Variants in PPIP5K1 observed in about 807,000 individuals in gnomAD.
PPIP5K1 encodes inositol hexakisphosphate and diphosphoinositol-pentakisphosphate kinase 1.
PPIP5K1 carries 6 observed loss-of-function variants against 27.7 expected under a neutral mutation model. That is an observed-to-expected ratio of 0.22 (90% CI 0.12 to 0.43). The LOEUF is 0.43. Ranked by LOEUF, PPIP5K1 falls within the 20% of genes least tolerant of loss-of-function variation. The pLI is 1.00. For synonymous variants in PPIP5K1, 145 were observed against 242.6 expected, an observed-to-expected ratio of 0.60 and a Z score of 3.74; for missense variants, 394 against 635.4, an observed-to-expected ratio of 0.62 and a Z score of 4.08.
intron 31 of PPIP5K1, among the ~76,000 whole-genome samples, chr15:43,538,688 T>C (rs1321680339): frequency 6.6e-6 from 1 of 152,106 alleles, no homozygotes; most frequent in Non-Finnish European, 1.5e-5. Flanking sequence ...ATTTTTTGTA[T>C]TTTTAGTAGA....
At chr15:43,549,663 T>A (rs2081948416) in intron 30 of PPIP5K1, among the ~76,000 whole-genome samples, 2 of 150,480 alleles carry the variant, frequency 1.3e-5, no homozygotes, top group South Asian at 4.2e-4. Flanking sequence ...AAAAAAAAAA[T>A]CTTTATACAA....
At chr15:43,558,973 C>T (rs1567072830) in intron 29 of PPIP5K1, 41 bp from the exon 30 acceptor site, 1 of 1,608,912 alleles carries the variant, frequency 6.2e-7, no homozygotes, top group South Asian at 1.1e-5. Context: ...TTACTCCTGC[C>T]AGATATACCC....
intron 30 of PPIP5K1, among the ~76,000 whole-genome samples, chr15:43,557,860 G>A (rs2083205154): frequency 6.8e-6 from 1 of 146,008 alleles, no homozygotes; most frequent in Non-Finnish European, 1.5e-5. Context: ...TGGAGAGATG[G>A]GGGTCTCACT....
intron 30 of PPIP5K1, among the ~76,000 whole-genome samples, chr15:43,552,528 T>TA (rs535937209): frequency 0.35 from 24,440 of 69,260 alleles, 4,954 homozygotes; most frequent in African/African-American, 0.63. Context: ...TCTGTCTCTA[T>TA]AAAAAAAAAA....
chr15:43,537,574 AG>A (rs1198953554), intron 31 of PPIP5K1, among the ~76,000 whole-genome samples: 1 of 149,160 alleles, frequency 6.7e-6, no homozygotes, highest in African/African-American at 2.5e-5. Flanking sequence ...CTGTAATCCC[AG>A]TTACTCAGGA....
intron 30 of PPIP5K1, among the ~76,000 whole-genome samples, chr15:43,545,264 G>C (rs1371949972): frequency 6.6e-6 from 1 of 151,724 alleles, no homozygotes; most frequent in Non-Finnish European, 1.5e-5. Flanking sequence ...CATAGAGATT[G>C]TACCATTTTG....
chr15:43,540,645 C>T (rs1247634333), intron 30 of PPIP5K1, among the ~76,000 whole-genome samples: 4 of 150,086 alleles, frequency 2.7e-5, no homozygotes, highest in Non-Finnish European at 5.9e-5. Flanking sequence ...TGCAGTGAGC[C>T]GAGATCGCAT....
Position 43,534,046 on chromosome 15 carries a change from T to C in PPIP5K1, c.*628A>G, listed in dbSNP as rs1378461757. On this transcript the variant is annotated 3_prime_UTR_variant, in exon 32 of 32. Coordinates refer to ENST00000420765, the MANE Select transcript of PPIP5K1 (RefSeq NM_001394395.1). ...CAGATGTTTGGGGAAGGGACTCTAT[T>C]TTCCAGACATTTCAGATAGCCATCC... The C allele has an allele frequency of 6.6e-6, 1 of 152,302 alleles. No individual in the cohort carries two copies. The highest frequency in any genetic ancestry group is 1.5e-5 in the Non-Finnish European group (1 of 68,026). 9.4% of individuals were successfully genotyped at this position (152,302 alleles called of 1,614,324 possible). A position where few individuals can be genotyped will look rare whatever the true frequency, so the allele number is the denominator to read the frequency against.
chr15:43,557,897 C>T (rs1294629259), intron 30 of PPIP5K1, among the ~76,000 whole-genome samples: 2 of 148,428 alleles, frequency 1.3e-5, no homozygotes, highest in Admixed American at 6.8e-5. Flanking sequence ...TCTTGAACTC[C>T]TGGACTCAAC....
intron 10 of PPIP5K1, among the ~76,000 whole-genome samples, chr15:43,579,341 G>A (rs1187884373): frequency 2.2e-5 from 2 of 92,570 alleles, no homozygotes; most frequent in African/African-American, 9.7e-5. Context: ...GGGATGGGGA[G>A]GGGATGTTAC....
Position 43,553,646 on chromosome 15 carries a change from GT to G in PPIP5K1, c.3556+5148del, listed in dbSNP as rs564313930. ...GGATTTCCTTACTAATTTTCTGTGT[GT>G]TTTTTTTTTTTTTTTGAGACGGAGT... On this transcript the variant is annotated intron_variant, in intron 30 of 31. Transcript: ENST00000420765. Among the ~76,000 whole-genome samples the G allele has an allele frequency of 1.5e-3, 196 of 131,312 alleles. 1 individual carries two copies. The East Asian group carries it at 0.015, about 10-fold the overall frequency. 86.1% of individuals were successfully genotyped at this position (131,312 alleles called of 152,430 possible). A position where few individuals can be genotyped will look rare whatever the true frequency, so the allele number is the denominator to read the frequency against.
Position 43,558,790 on chromosome 15 carries a change from C to G in PPIP5K1, c.3556+5G>C. 1 of 1,613,670 alleles carries G rather than the reference C, an allele frequency of 6.2e-7. No homozygotes were observed. The highest frequency in any genetic ancestry group is 8.5e-7 in the Non-Finnish European group (1 of 1,180,000). On this transcript the variant is annotated splice_donor_5th_base_variant and intron_variant, in intron 30 of 31. Transcript: ENST00000420765. ...AGAAGGGTAAAAAAATAAGAATATCCCTACCTGCAGATGCCTGTGCCTGGG... is the reference window on the plus strand; with the variant it reads ...AGAAGGGTAAAAAAATAAGAATATCGCTACCTGCAGATGCCTGTGCCTGGG...
intron 30 of PPIP5K1, among the ~76,000 whole-genome samples, chr15:43,543,793 C>CATAT (rs150350072): frequency 0.012 from 1,742 of 147,610 alleles, 33 homozygotes; most frequent in African/African-American, 0.037. Context: ...CTCTGTAATG[C>CATAT]ATATATATAT....
chr15:43,543,569 A>G (rs976228733), intron 30 of PPIP5K1, among the ~76,000 whole-genome samples: 2 of 152,148 alleles, frequency 1.3e-5, no homozygotes, highest in African/African-American at 4.8e-5. Flanking sequence ...TGGTACATAG[A>G]GACCAAAATC....
At position 43,539,525 on chromosome 15, in the gene PPIP5K1, A is replaced by T. The variant is rs1297968290; in HGVS notation, c.3615T>A (p.Arg1205=). 1.2e-6 allele frequency: 2 copies of T among 1,610,710 alleles called. No homozygotes were observed. The highest frequency in any genetic ancestry group is 1.7e-6 in the Non-Finnish European group (2 of 1,178,356). ...GTTGCAGGGGAGGTGAATGAAGAGT[A>T]CGTGGTGGAGAAAATGGGTTATCTG... The part of the protein sequence containing the change: ...QASDNPFSPP[R]TLHSPPLQLQ... The change falls in exon 31 of 32, where the codon CGT becomes CGA. Residue 1205 remains arginine, a synonymous_variant. Coordinates refer to ENST00000420765, the MANE Select transcript of PPIP5K1 (RefSeq NM_001394395.1).
intron 30 of PPIP5K1, among the ~76,000 whole-genome samples, chr15:43,553,805 C>T (rs1036129584): frequency 6.3e-4 from 95 of 151,956 alleles, no homozygotes; most frequent in Non-Finnish European, 1.0e-3. Context: ...CCACCACGCC[C>T]GGCTAATTTT....
chr15:43,550,855 A>G (rs2082104445), intron 30 of PPIP5K1, among the ~76,000 whole-genome samples: 1 of 152,256 alleles, frequency 6.6e-6, no homozygotes, highest in Non-Finnish European at 1.5e-5. Flanking sequence ...GTGTCAACTT[A>G]GATGACTGTG....
chr15:43,545,179 T>TAAA (rs60345631), intron 30 of PPIP5K1, among the ~76,000 whole-genome samples: 5 of 106,480 alleles, frequency 4.7e-5, no homozygotes, highest in East Asian at 2.6e-4. Flanking sequence ...GTCCGTCTCA[T>TAAA]AAAAAAAAAA....
chr15:43,558,815 G>A lies in PPIP5K1; in HGVS notation c.3536C>T (p.Ala1179Val). 1.2e-6 allele frequency: 2 copies of A among 1,614,068 alleles called. No homozygotes were observed. Among genetic ancestry groups the A allele is most frequent in the Middle Eastern group, 1.7e-4 (1 of 6,042 alleles). ...LSRVCQRHTD[A>V]QAQASAALFD... ...CCTACCTGCAGATGCCTGTGCCTGG[G>A]CATCAGTGTGGCGCTGGCAGACTCT... The change falls in exon 30 of 32, where the codon GCC becomes GTC. Residue 1179 changes from alanine (A) to valine (V), a missense_variant. Around this residue, in one of 4 missense-constraint regions of PPIP5K1, gnomAD observed 379 missense variants for 423.9 expected, o/e 0.89. Transcript: ENST00000420765.
Sources: allele counts gnomAD v4.1 joint callset (sites outside exome capture counted in the v4.1 genomes callset), GRCh38; gene constraint gnomAD v4.1.1; regional missense constraint gnomAD v4.1.1; transcripts MANE v1.5; gene names NCBI Gene and HGNC (gene_info 2026-07-23, HGNC 2026-07-21).